LMNA: variants seen among roughly 807,000 people sequenced by gnomAD.
LMNA encodes lamin.
In LMNA, 20 loss-of-function variants were observed where a neutral mutation model predicts 70.4. The observed-to-expected ratio is 0.28, with a 90% CI of 0.20 to 0.41. The LOEUF (loss-of-function observed/expected upper bound fraction) is 0.41. LMNA is among the 10% of genes least tolerant of loss of function. The pLI is 1.00. For missense variants in LMNA, 652 were observed against 917.2 expected, an observed-to-expected ratio of 0.71 and a Z score of 3.73; for synonymous variants, 339 against 372.8, an observed-to-expected ratio of 0.91 and a Z score of 1.04.
intron 3 of LMNA, among the ~76,000 whole-genome samples, chr1:156,104,197 T>G (rs1267406223): frequency 6.6e-6 from 1 of 152,134 alleles, no homozygotes; most frequent in Non-Finnish European, 1.5e-5. Context: ...AAGAGGTGCG[T>G]GTATGGAGGG....
chr1:156,136,885 C>A lies in LMNA; in HGVS notation c.1381-36C>A. 6.3e-7 allele frequency: 1 copy of A among 1,575,912 alleles called. No homozygotes were observed. The highest frequency in any genetic ancestry group is 1.4e-5 in the African/African-American group (1 of 74,056). On this transcript the variant is annotated intron_variant, in intron 7 of 11. Transcript: ENST00000368300. The surrounding 1 kb of genome is among the most constrained non-coding windows in gnomAD (Gnocchi z 6.1). ...AGATACACCCAAGAGCCTGGGTGAGCCTCCCCGACCTTCCTCTTCCCTATC... is the reference window on the plus strand; with the variant it reads ...AGATACACCCAAGAGCCTGGGTGAGACTCCCCGACCTTCCTCTTCCCTATC...
chr1:156,126,710 C>A (rs1231359557), intron 1 of LMNA: 2 of 1,551,804 alleles, frequency 1.3e-6, no homozygotes, highest in Non-Finnish European at 8.7e-7. Context: ...CTCCCCACCC[C>A]CTCTCTTCCC....
At chr1:156,129,305 G>A (rs1650844046) in intron 1 of LMNA, among the ~76,000 whole-genome samples, 1 of 152,114 alleles carries the variant, frequency 6.6e-6, no homozygotes, top group Non-Finnish European at 1.5e-5. Context: ...GGGGGGAGGT[G>A]GGGGTGACTC....
At chr1:156,119,306 TG>T (rs1200258924) in intron 1 of LMNA, among the ~76,000 whole-genome samples, 1 of 152,158 alleles carries the variant, frequency 6.6e-6, no homozygotes, top group Non-Finnish European at 1.5e-5. Flanking sequence ...TTAGTAGAGT[TG>T]GGGTTTCACC....
Position 156,139,741 on chromosome 1 carries a change from C to A in LMNA, c.*635C>A. Reference sequence around the variant, plus strand: ...GTGAGTCCATTCTCCCAGGTACCAGCTGCGCTTGCTTTTCTGTATTTTATT... The same window carrying A: ...GTGAGTCCATTCTCCCAGGTACCAGATGCGCTTGCTTTTCTGTATTTTATT... On this transcript the variant is annotated 3_prime_UTR_variant, in exon 12 of 12. Coordinates refer to ENST00000368300, the MANE Select transcript of LMNA (RefSeq NM_170707.4). The A allele has an allele frequency of 6.5e-7, 1 of 1,533,408 alleles. No individual in the cohort carries two copies. Among genetic ancestry groups the A allele is most frequent in the Non-Finnish European group, 8.7e-7 (1 of 1,146,296 alleles). The allele number at this position is 1,533,408 out of a possible 1,614,324, so 95.0% of individuals were successfully genotyped here. A position where few individuals can be genotyped will look rare whatever the true frequency, so the allele number is the denominator to read the frequency against.
chr1:156,138,507 C>A lies in LMNA; in HGVS notation c.1718C>A (p.Ser573Ter). The change falls in exon 11 of 12, where the codon TCG becomes TAG. Residue 573 changes from serine to a stop codon, truncating the protein, a stop_gained. Coordinates refer to ENST00000368300, the MANE Select transcript of LMNA (RefSeq NM_170707.4). LOFTEE classifies it high-confidence loss of function. The surrounding 1 kb of genome is among the most constrained non-coding windows in gnomAD (Gnocchi z 5.5). ...TCCCAGGGCTCCCACTGCAGCAGCTCGGGGGACCCCGCTGAGTACAACCTG... is the reference window on the plus strand; with the variant it reads ...TCCCAGGGCTCCCACTGCAGCAGCTAGGGGGACCCCGCTGAGTACAACCTG... ...HHHHGSHCSS[S>*]GDPAEYNLRS... The A allele has an allele frequency of 1.9e-6, 3 of 1,612,462 alleles. No individual in the cohort carries two copies. Among genetic ancestry groups the A allele is most frequent in the Non-Finnish European group, 2.5e-6 (3 of 1,179,806 alleles).
In LMNA at chr1:156,136,694, TTTGAG is replaced by T. The variant is rs1651668836; in HGVS notation, c.1381-223_1381-219del. The T allele has an allele frequency of 4.5e-6, 3 of 670,082 alleles. No homozygotes were observed. In the African/African-American group the frequency reaches 5.3e-5, roughly 12 times the overall value. The allele number at this position is 670,082 out of a possible 1,614,324, so 41.5% of individuals were successfully genotyped here. A position where few individuals can be genotyped will look rare whatever the true frequency, so the allele number is the denominator to read the frequency against. On this transcript the variant is annotated intron_variant, in intron 7 of 11. Transcript: ENST00000368300. The surrounding 1 kb of genome is among the most constrained non-coding windows in gnomAD (Gnocchi z 6.1). ...GGGGATGAATACTGATCCCTAAGTC[TTTGAG>T]TTGTCAGGAAGATGAAAGATAAGGT...
intron 1 of LMNA, among the ~76,000 whole-genome samples, chr1:156,129,148 AG>A (rs1349876184): frequency 6.6e-6 from 1 of 152,130 alleles, no homozygotes; most frequent in East Asian, 1.9e-4. Context: ...TTTTTGCAGG[AG>A]ACAGACACTT....
chr1:156,100,326 C>T (rs1649098319), intron 3 of LMNA, among the ~76,000 whole-genome samples: 1 of 152,160 alleles, frequency 6.6e-6, no homozygotes, highest in Non-Finnish European at 1.5e-5. Context: ...GTCTAGTGCA[C>T]ACCCATCTCC....
chr1:156,130,958 A>G (rs1353168810), intron 2 of LMNA, among the ~76,000 whole-genome samples, 185 bp downstream of exon 2: 1 of 152,180 alleles, frequency 6.6e-6, no homozygotes, highest in African/African-American at 2.4e-5. Flanking sequence ...TGCCAATGGG[A>G]TCTACCACAG....
chr1:156,100,617 T>G (rs1399544253), intron 3 of LMNA, among the ~76,000 whole-genome samples: 2 of 151,530 alleles, frequency 1.3e-5, no homozygotes, highest in African/African-American at 2.4e-5. Context: ...GCAGTGAAGG[T>G]GGGGCCTGCA....
At chr1:156,089,607 A>AAGAC (rs1241200046) in intron 2 of LMNA, among the ~76,000 whole-genome samples, 1 of 151,112 alleles carries the variant, frequency 6.6e-6, no homozygotes, top group Non-Finnish European at 1.5e-5. Context: ...AAAAAAAAGA[A>AAGAC]AGAAAGAAAG....
intron 2 of LMNA, among the ~76,000 whole-genome samples, chr1:156,090,259 G>A (rs1265187358): frequency 6.6e-6 from 1 of 152,238 alleles, no homozygotes; most frequent in Non-Finnish European, 1.5e-5. Context: ...AGGGGAATGA[G>A]TGAATGAATA....
intron 3 of LMNA, among the ~76,000 whole-genome samples, chr1:156,094,617 G>A (rs1648843672): frequency 6.6e-6 from 1 of 152,176 alleles, no homozygotes; most frequent in Non-Finnish European, 1.5e-5. Context: ...CCAAAGTGCT[G>A]GGATTACAGG....
rs1651866275 is a variant in LMNA at position 156,138,603 on chromosome 1, C to T, written c.1814C>T (p.Ala605Val). The change falls in exon 11 of 12, where the codon GCC (alanine) becomes GTC (valine). Residue 605 changes from alanine (A) to valine (V), a missense_variant. Ala to Val is a moderately conservative substitution (Grantham distance 64). This residue lies in a region of LMNA where 327 missense variants were observed against 387.6 expected (regional missense o/e 0.84). Coordinates refer to ENST00000368300, the MANE Select transcript of LMNA (RefSeq NM_170707.4). The surrounding 1 kb of genome is among the most constrained non-coding windows in gnomAD (Gnocchi z 5.5). ...ADKASASGSG[A>V]QVGGPISSGS... Reference sequence around the variant, plus strand: ...AAGGCATCTGCCAGCGGCTCAGGAGCCCAGGTGGGCGGACCCATCTCCTCT... The same window carrying T: ...AAGGCATCTGCCAGCGGCTCAGGAGTCCAGGTGGGCGGACCCATCTCCTCT... 6.2e-7 allele frequency: 1 copy of T among 1,612,802 alleles called. No homozygotes were observed. Among genetic ancestry groups the T allele is most frequent in the African/African-American group, 1.3e-5 (1 of 74,934 alleles).
At chr1:156,113,226 C>T (rs1173664895), upstream of LMNA, among the ~76,000 whole-genome samples, 3 of 152,052 alleles carry the variant, frequency 2.0e-5, no homozygotes, top group East Asian at 1.9e-4. Flanking sequence ...ATCTCTTGAA[C>T]CCGGGAGGTG....
chr1:156,131,659 C>T (rs1164507239), intron 2 of LMNA, among the ~76,000 whole-genome samples: 1 of 152,156 alleles, frequency 6.6e-6, no homozygotes, highest in Non-Finnish European at 1.5e-5. Context: ...TGAACTGTAC[C>T]TGACCCTAGA....
rs1228799143 is a variant in LMNA, at chr1:156,139,951, G to T, written c.*845G>T. 4 of 1,017,052 alleles carry T rather than the reference G, an allele frequency of 3.9e-6. No individual in the cohort carries two copies. Among genetic ancestry groups the T allele is most frequent in the African/African-American group, 3.4e-5 (2 of 59,150 alleles). 63.0% of individuals were successfully genotyped at this position (1,017,052 alleles called of 1,614,324 possible). A position where few individuals can be genotyped will look rare whatever the true frequency, so the allele number is the denominator to read the frequency against. ...AGGGGAGAGCCTGCTGGCACCCACC[G>T]TGGAGGAGGAAGGCAAGAGGGGGTG... On this transcript the variant is annotated 3_prime_UTR_variant, in exon 12 of 12. Coordinates refer to ENST00000368300, the MANE Select transcript of LMNA (RefSeq NM_170707.4).
chr1:156,089,989 G>A (rs1049319846), intron 2 of LMNA, among the ~76,000 whole-genome samples: 8 of 152,208 alleles, frequency 5.3e-5, no homozygotes, highest in South Asian at 2.1e-4. Context: ...CTCTGGTTTC[G>A]AGCTGCGGTG....
Sources: gnomAD v4.1 joint callset for allele counts (sites outside exome capture counted in the v4.1 genomes callset) on GRCh38, gnomAD v4.1.1 for gene constraint, gnomAD v4.1.1 regional missense constraint, Gnocchi (gnomAD v3.1) non-coding constraint, MANE v1.5 for transcripts, NCBI Gene and HGNC (gene_info 2026-07-23, HGNC 2026-07-21) for gene names.